Variants in ATP10B observed in about 807,000 individuals in gnomAD.
ATP10B encodes ATPase phospholipid transporting 10B (putative), also known as phospholipid-transporting ATPase VB.
In ATP10B, 122 loss-of-function variants were observed where a neutral mutation model predicts 141.2. The observed-to-expected ratio is 0.86, with a 90% CI of 0.75 to 1.00. The LOEUF (loss-of-function observed/expected upper bound fraction) is 1.00. ATP10B is among the 50% of genes least tolerant of loss of function. The pLI is 0.00. For missense variants in ATP10B, 1,876 were observed against 1,825.3 expected (o/e 1.03, Z -0.51); for synonymous variants, 685 against 692.0 (o/e 0.99, Z 0.16).
chr5:160,601,670 C>T (rs1395079845), intron 21 of ATP10B, among the ~76,000 whole-genome samples: 1 of 152,170 alleles, frequency 6.6e-6, no homozygotes, highest in Non-Finnish European at 1.5e-5. Flanking sequence ...AGAGCTCTGA[C>T]ACTAAGGCCT....
chr5:160,925,912 C>T, the ATP10B span, among the ~76,000 whole-genome samples: 1 of 152,188 alleles, frequency 6.6e-6, no homozygotes, highest in Non-Finnish European at 1.5e-5. Flanking sequence ...TCATAGGCCT[C>T]ATCTCATCAG....
the ATP10B span, among the ~76,000 whole-genome samples, chr5:160,892,029 T>C: frequency 6.6e-6 from 1 of 152,226 alleles, no homozygotes; most frequent in Non-Finnish European, 1.5e-5. Flanking sequence ...GCCAAGACGC[T>C]ATAGCAGAGA....
intron 22 of ATP10B, 30 bp downstream of exon 22, chr5:160,598,740 C>A: frequency 1.9e-6 from 3 of 1,609,224 alleles, no homozygotes; most frequent in South Asian, 2.2e-5. Flanking sequence ...AAGCTGAAGT[C>A]ACCTCCCTTT....
chr5:160,824,513 A>G (rs1231252578), intron 1 of ATP10B, among the ~76,000 whole-genome samples: 3 of 152,144 alleles, frequency 2.0e-5, no homozygotes, highest in Non-Finnish European at 4.4e-5. Flanking sequence ...AATCTGAGAA[A>G]TGTCATTAGG....
intron 7 of ATP10B, among the ~76,000 whole-genome samples, chr5:160,662,942 AT>A (rs1482521903): frequency 1.3e-5 from 2 of 152,162 alleles, no homozygotes; most frequent in African/African-American, 4.8e-5. Context: ...ACTCAAACAA[AT>A]TTACAAGAAA....
chr5:160,804,111 A>G (rs752618098), intron 1 of ATP10B, among the ~76,000 whole-genome samples: 1 of 152,160 alleles, frequency 6.6e-6, no homozygotes, highest in Non-Finnish European at 1.5e-5. Context: ...TTGCACCCAT[A>G]CATAGAGATA....
At chr5:160,680,838 A>T (rs1763348948) in intron 6 of ATP10B, among the ~76,000 whole-genome samples, 1 of 152,178 alleles carries the variant, frequency 6.6e-6, no homozygotes, top group Non-Finnish European at 1.5e-5. Context: ...GGCCACTGAG[A>T]TGTGAGGAGG....
intron 22 of ATP10B, among the ~76,000 whole-genome samples, chr5:160,597,729 G>A (rs1756809253): frequency 1.3e-5 from 2 of 151,948 alleles, no homozygotes; most frequent in African/African-American, 2.4e-5. Context: ...TCAAAAAGTG[G>A]GCAAAGGACA....
At chr5:160,584,549 AT>A (rs1186200322) in intron 24 of ATP10B, among the ~76,000 whole-genome samples, 3 of 151,894 alleles carry the variant, frequency 2.0e-5, no homozygotes, top group South Asian at 2.1e-4. Flanking sequence ...AGTTTTCTAG[AT>A]TTTTTTCTTT....
the ATP10B span, among the ~76,000 whole-genome samples, chr5:160,889,853 T>C: frequency 1.3e-5 from 2 of 152,148 alleles, no homozygotes; most frequent in Admixed American, 1.3e-4. Flanking sequence ...TCTTCTCATA[T>C]CTACAACCAG....
chr5:160,749,418 C>T (rs1768007084), intron 2 of ATP10B, among the ~76,000 whole-genome samples: 1 of 152,160 alleles, frequency 6.6e-6, no homozygotes, highest in African/African-American at 2.4e-5. Context: ...CCTCTTCTTT[C>T]CACAACCCAG....
intron 1 of ATP10B, among the ~76,000 whole-genome samples, chr5:160,788,239 G>A (rs1232336334): frequency 1.3e-5 from 2 of 152,128 alleles, no homozygotes; most frequent in Non-Finnish European, 2.9e-5. Flanking sequence ...CTCACCCTGG[G>A]ACATTCCAGT....
At chr5:160,764,921 C>T (rs1769296134) in intron 2 of ATP10B, among the ~76,000 whole-genome samples, 1 of 152,076 alleles carries the variant, frequency 6.6e-6, no homozygotes, top group African/African-American at 2.4e-5. Context: ...CCAACAGTGA[C>T]TGACCTGAGA....
chr5:160,908,649 A>T, the ATP10B span, among the ~76,000 whole-genome samples: 1 of 152,194 alleles, frequency 6.6e-6, no homozygotes, highest in Non-Finnish European at 1.5e-5. Context: ...CTCAGCAGGA[A>T]CACAATGGTG....
At chr5:160,839,482 A>T (rs1344383500) in intron 1 of ATP10B, among the ~76,000 whole-genome samples, 2 of 152,196 alleles carry the variant, frequency 1.3e-5, no homozygotes, top group Admixed American at 1.3e-4. Flanking sequence ...AGTCAAGGGT[A>T]CCACAAAGGT....
At chr5:160,874,783 A>C in the ATP10B span, among the ~76,000 whole-genome samples, 1 of 151,358 alleles carries the variant, frequency 6.6e-6, no homozygotes, top group Non-Finnish European at 1.5e-5. Context: ...AAAGGGTATC[A>C]GCAATGGAAG....
At chr5:160,707,175 T>C (rs909737135) in intron 3 of ATP10B, among the ~76,000 whole-genome samples, 3 of 152,098 alleles carry the variant, frequency 2.0e-5, no homozygotes, top group Non-Finnish European at 4.4e-5. Context: ...GGTCTTAAAC[T>C]CCTGACCTCA....
At chr5:160,832,235 C>T (rs4288155) in intron 1 of ATP10B, among the ~76,000 whole-genome samples, 2,326 of 152,214 alleles carry the variant, frequency 0.015, 57 homozygotes, top group African/African-American at 0.053. Context: ...TAGAAATACT[C>T]ATAAAACTCT....
chr5:160,872,878 A>G, the ATP10B span, among the ~76,000 whole-genome samples: 5 of 152,014 alleles, frequency 3.3e-5, 1 homozygote, highest in African/African-American at 1.2e-4. Flanking sequence ...GTTTCATATG[A>G]ATTTTAGAAT....
Sources: allele counts gnomAD v4.1 joint callset (sites outside exome capture counted in the v4.1 genomes callset), GRCh38; gene constraint gnomAD v4.1.1; transcripts MANE v1.5; gene names NCBI Gene and HGNC (gene_info 2026-07-23, HGNC 2026-07-21).